The following MAD1L1 variants were observed in gnomAD, a reference collection of about 807,000 sequenced individuals.
MAD1L1 encodes the protein mitotic arrest deficient 1 like 1.
Under a neutral mutation model 96.9 loss-of-function variants are expected in MAD1L1, and 95 were observed. That is an observed-to-expected ratio of 0.98 (90% CI 0.83 to 1.16). The LOEUF is 1.16. Among genes scored for constraint, MAD1L1 ranks in the 50% most tolerant of loss-of-function variants. MAD1L1 has a pLI of 0.00. For synonymous variants in MAD1L1, 473 were observed against 396.6 expected, an observed-to-expected ratio of 1.19 and a Z score of -2.29; for missense variants, 1,007 against 954.4, an observed-to-expected ratio of 1.06 and a Z score of -0.73.
At chr7:1,970,715 G>A (rs749008090) in intron 15 of MAD1L1, among the ~76,000 whole-genome samples, 3 of 152,206 alleles carry the variant, frequency 2.0e-5, no homozygotes, top group African/African-American at 7.2e-5. Flanking sequence ...GCATGCTTGT[G>A]CATACATCTA....
intron 13 of MAD1L1, among the ~76,000 whole-genome samples, 187 bp downstream of exon 13, chr7:2,014,315 C>T (rs1002119241): frequency 2.0e-5 from 3 of 152,156 alleles, no homozygotes; most frequent in Admixed American, 1.3e-4. Context: ...CAGGTGCCAT[C>T]GTGAGAATTA....
At chr7:1,826,108 C>T (rs567882244) in intron 18 of MAD1L1, among the ~76,000 whole-genome samples, 8 of 152,328 alleles carry the variant, frequency 5.3e-5, no homozygotes, top group East Asian at 3.9e-4. Context: ...CCGTGGTCTA[C>T]GCAACCTGTT....
At chr7:1,821,577 A>G (rs1782127426) in intron 18 of MAD1L1, among the ~76,000 whole-genome samples, 1 of 152,200 alleles carries the variant, frequency 6.6e-6, no homozygotes, top group Non-Finnish European at 1.5e-5. Flanking sequence ...GAAAAAGAGT[A>G]TCACACCCTG....
intron 10 of MAD1L1, among the ~76,000 whole-genome samples, chr7:2,157,401 C>T (rs891263114): frequency 2.0e-5 from 3 of 152,130 alleles, no homozygotes; most frequent in African/African-American, 4.8e-5. Flanking sequence ...ACCTCACATG[C>T]GTAAGAACCC....
chr7:2,131,967 G>A (rs1788529270), intron 11 of MAD1L1, among the ~76,000 whole-genome samples: 1 of 152,200 alleles, frequency 6.6e-6, no homozygotes, highest in African/African-American at 2.4e-5. Flanking sequence ...GGAAAGGCTG[G>A]TGAAAGATGT....
At chr7:1,859,073 G>A (rs1032677939) in intron 18 of MAD1L1, among the ~76,000 whole-genome samples, 10 of 83,644 alleles carry the variant, frequency 1.2e-4, no homozygotes, top group African/African-American at 2.9e-4. Flanking sequence ...ACGCAGGAGG[G>A]CCAGGCACCT....
intron 14 of MAD1L1, among the ~76,000 whole-genome samples, chr7:1,998,993 C>T (rs923717842): frequency 3.3e-5 from 5 of 151,028 alleles, no homozygotes; most frequent in Admixed American, 1.3e-4. Context: ...AGTCCACAGA[C>T]CCCACAGTCC....
At chr7:2,220,440 G>A (rs946289096) in intron 5 of MAD1L1, among the ~76,000 whole-genome samples, 2 of 152,236 alleles carry the variant, frequency 1.3e-5, no homozygotes, top group Non-Finnish European at 2.9e-5. Flanking sequence ...GAAAGAGCAC[G>A]TGGGTCGAGC....
intron 11 of MAD1L1, among the ~76,000 whole-genome samples, chr7:2,116,057 CCT>C (rs1479825572): frequency 6.6e-6 from 1 of 152,236 alleles, no homozygotes; most frequent in African/African-American, 2.4e-5. Flanking sequence ...CCCGAATATC[CCT>C]CTGTTTCCTC....
intron 11 of MAD1L1, among the ~76,000 whole-genome samples, chr7:2,109,204 G>C (rs939145374): frequency 6.6e-6 from 1 of 152,168 alleles, no homozygotes; most frequent in Non-Finnish European, 1.5e-5. Flanking sequence ...CTCCTGAAAT[G>C]AGGCCAGCCC....
intron 3 of MAD1L1, among the ~76,000 whole-genome samples, chr7:2,228,590 A>G (rs1351473465): frequency 1.3e-5 from 2 of 152,084 alleles, no homozygotes; most frequent in Non-Finnish European, 2.9e-5. Context: ...GTGATAAAAA[A>G]CAACTACCAT....
At chr7:2,044,448 G>C (rs190306883) in intron 12 of MAD1L1, among the ~76,000 whole-genome samples, 2 of 152,222 alleles carry the variant, frequency 1.3e-5, no homozygotes, top group Non-Finnish European at 2.9e-5. Context: ...CGTGGAAGAA[G>C]GTGGGGACGC....
At chr7:1,943,900 A>T (rs1398072597) in intron 16 of MAD1L1, among the ~76,000 whole-genome samples, 1 of 152,244 alleles carries the variant, frequency 6.6e-6, no homozygotes, top group Non-Finnish European at 1.5e-5. Flanking sequence ...AGCCACAAGA[A>T]GGAACACAAG....
intron 12 of MAD1L1, among the ~76,000 whole-genome samples, chr7:2,034,148 C>T (rs768077222): frequency 6.6e-6 from 1 of 150,988 alleles, no homozygotes. Context: ...GCACTGAGTC[C>T]AAGGATGTTG....
chr7:1,964,182 G>T (rs929218132), intron 15 of MAD1L1, among the ~76,000 whole-genome samples: 2 of 152,204 alleles, frequency 1.3e-5, no homozygotes, highest in African/African-American at 4.8e-5. Context: ...AAGGTGATGA[G>T]TGACGACATG....
intron 18 of MAD1L1, among the ~76,000 whole-genome samples, chr7:1,879,720 C>A (rs73046388): frequency 6.6e-6 from 1 of 152,292 alleles, no homozygotes; most frequent in Non-Finnish European, 1.5e-5. Flanking sequence ...AGAAACAGAA[C>A]CACACATATG....
chr7:1,963,191 T>A (rs746249978), intron 15 of MAD1L1, among the ~76,000 whole-genome samples: 43 of 152,168 alleles, frequency 2.8e-4, no homozygotes, highest in Admixed American at 9.8e-4. Flanking sequence ...AAACTCCAAA[T>A]GTCCATCGCA....
chr7:2,158,511 A>G (rs955795846), intron 10 of MAD1L1, among the ~76,000 whole-genome samples: 1 of 152,256 alleles, frequency 6.6e-6, no homozygotes, highest in African/African-American at 2.4e-5. Context: ...TGCGGAAGGC[A>G]GGGAACACAA....
intron 16 of MAD1L1, among the ~76,000 whole-genome samples, chr7:1,953,692 G>A (rs1438857650): frequency 6.6e-6 from 1 of 152,274 alleles, no homozygotes; most frequent in Non-Finnish European, 1.5e-5. Flanking sequence ...CATCCGTGGT[G>A]GAGCCTTGGT....
Sources: gnomAD v4.1 joint callset for allele counts (sites outside exome capture counted in the v4.1 genomes callset) on GRCh38, gnomAD v4.1.1 for gene constraint, MANE v1.5 for transcripts, NCBI Gene and HGNC (gene_info 2026-07-23, HGNC 2026-07-21) for gene names.